FSTL5: variants seen among roughly 807,000 people sequenced by gnomAD.
FSTL5 encodes the protein follistatin-related protein 5.
FSTL5 carries 62 observed loss-of-function variants against 89.1 expected under a neutral mutation model. The observed-to-expected ratio is 0.70, with a 90% CI of 0.57 to 0.86. The LOEUF (loss-of-function observed/expected upper bound fraction) is 0.86, where lower values mean the gene tolerates loss of function less well. FSTL5 is among the 40% of genes least tolerant of loss of function. The pLI, the probability that FSTL5 is intolerant of heterozygous loss-of-function variation, is 0.00. For synonymous variants in FSTL5, 383 were observed against 346.2 expected, an observed-to-expected ratio of 1.11 and a Z score of -1.18; for missense variants, 1,057 against 1,001.6, an observed-to-expected ratio of 1.06 and a Z score of -0.75.
chr4:161,627,545 T>A (rs1286349003), intron 7 of FSTL5, among the ~76,000 whole-genome samples: 4 of 152,154 alleles, frequency 2.6e-5, no homozygotes, highest in Non-Finnish European at 5.9e-5. Context: ...CTTCAAGATC[T>A]CCGAGGCATG....
intron 13 of FSTL5, among the ~76,000 whole-genome samples, chr4:161,464,053 A>C (rs2126419942): frequency 6.6e-6 from 1 of 152,198 alleles, no homozygotes; most frequent in African/African-American, 2.4e-5. Context: ...CCAAACTGTC[A>C]GTTTTTGGAA....
chr4:161,428,260 G>A (rs1318251956), intron 15 of FSTL5, among the ~76,000 whole-genome samples: 1 of 152,140 alleles, frequency 6.6e-6, no homozygotes, highest in East Asian at 1.9e-4. Flanking sequence ...AAAGGGCTCC[G>A]GGGTCCTAAA....
At chr4:161,505,508 C>A (rs1265610967) in intron 11 of FSTL5, among the ~76,000 whole-genome samples, 1 of 152,100 alleles carries the variant, frequency 6.6e-6, no homozygotes, top group Non-Finnish European at 1.5e-5. Context: ...TAAAACCAGT[C>A]ATTTTGAGTA....
chr4:161,991,259 T>G (rs1401047702), intron 3 of FSTL5, among the ~76,000 whole-genome samples: 1 of 152,208 alleles, frequency 6.6e-6, no homozygotes, highest in Non-Finnish European at 1.5e-5. Flanking sequence ...ACGATGCACA[T>G]AATTTTATAT....
intron 15 of FSTL5, among the ~76,000 whole-genome samples, chr4:161,412,904 T>A (rs900152209): frequency 6.6e-6 from 1 of 152,172 alleles, no homozygotes; most frequent in Admixed American, 6.5e-5. Context: ...TTTCACTGTA[T>A]GCAAAAATTA....
chr4:161,787,019 G>T (rs1198165279), intron 4 of FSTL5, among the ~76,000 whole-genome samples: 1 of 152,022 alleles, frequency 6.6e-6, no homozygotes, highest in African/African-American at 2.4e-5. Flanking sequence ...TTATGACCTT[G>T]ACCAAAGATA....
At chr4:161,894,815 A>G (rs1398925858) in intron 4 of FSTL5, among the ~76,000 whole-genome samples, 1 of 152,174 alleles carries the variant, frequency 6.6e-6, no homozygotes, top group Non-Finnish European at 1.5e-5. Context: ...TTTGATGCAT[A>G]TTTATACCAG....
At chr4:161,857,511 T>A (rs1222216268) in intron 4 of FSTL5, among the ~76,000 whole-genome samples, 2 of 152,190 alleles carry the variant, frequency 1.3e-5, no homozygotes, top group South Asian at 4.1e-4. Flanking sequence ...CATCACTCAG[T>A]CTTTTCATGG....
At chr4:161,705,952 GTATATATATATATATA>G (rs1206067350) in intron 6 of FSTL5, among the ~76,000 whole-genome samples, 9 of 30,672 alleles carry the variant, frequency 2.9e-4, no homozygotes, top group African/African-American at 1.3e-3. Flanking sequence ...GTAGATGTGT[GTATATATATATATATA>G]TATATATATA....
chr4:161,752,270 T>C (rs892566991), intron 6 of FSTL5, among the ~76,000 whole-genome samples: 3 of 151,502 alleles, frequency 2.0e-5, no homozygotes, highest in African/African-American at 7.3e-5. Context: ...GATAGATAGA[T>C]AGATGGAATG....
chr4:161,397,990 T>C (rs1194282428), intron 15 of FSTL5, among the ~76,000 whole-genome samples: 1 of 151,970 alleles, frequency 6.6e-6, no homozygotes, highest in African/African-American at 2.4e-5. Context: ...GCAACAACAA[T>C]AAAGTGTGTT....
rs1447550092 is a variant in FSTL5, at chr4:161,613,456, A to T, written c.895-25881T>A. 1.3e-5 allele frequency among the ~76,000 whole-genome samples: 2 copies of T among 152,166 alleles called. 1 individual carries two copies. Among genetic ancestry groups the T allele is most frequent in the East Asian group, 3.9e-4 (2 of 5,160 alleles). On this transcript the variant is annotated intron_variant, in intron 7 of 15. Coordinates refer to ENST00000306100, the MANE Select transcript of FSTL5 (RefSeq NM_020116.5). ...AGAGTGAGTCTCCGTTTCAAAAAAA[A>T]AAAAAAATGATAATTGTCTAATCAT...
intron 6 of FSTL5, among the ~76,000 whole-genome samples, chr4:161,665,152 C>G (rs1297094907): frequency 6.6e-6 from 1 of 152,178 alleles, no homozygotes; most frequent in Non-Finnish European, 1.5e-5. Context: ...TGTAACAAAC[C>G]TGCACATATA....
At chr4:161,516,904 T>G (rs1004002728) in intron 10 of FSTL5, among the ~76,000 whole-genome samples, 1 of 151,932 alleles carries the variant, frequency 6.6e-6, no homozygotes, top group Non-Finnish European at 1.5e-5. Flanking sequence ...TCCACCTAGT[T>G]TTCTCTCCAG....
intron 6 of FSTL5, among the ~76,000 whole-genome samples, chr4:161,663,812 GC>G (rs1736795469): frequency 6.6e-6 from 1 of 152,212 alleles, no homozygotes; most frequent in Admixed American, 6.5e-5. Flanking sequence ...TGAGGGCCCT[GC>G]CCCTGCAGCA....
intron 4 of FSTL5, among the ~76,000 whole-genome samples, chr4:161,832,766 T>G (rs1435620465): frequency 6.6e-6 from 1 of 151,816 alleles, no homozygotes; most frequent in Non-Finnish European, 1.5e-5. Context: ...TTGATTCTTC[T>G]CTCTTTTCTT....
Position 161,705,271 on chromosome 4 carries a change from A to C in FSTL5, c.728-48777T>G, listed in dbSNP as rs575371586. On this transcript the variant is annotated intron_variant, in intron 6 of 15. Transcript: ENST00000306100. ...GTCTATTTTAAGTAGACATTAAATAAACGTTAAAATGGACTAAACCTGTTA... is the reference window on the plus strand; with the variant it reads ...GTCTATTTTAAGTAGACATTAAATACACGTTAAAATGGACTAAACCTGTTA... 1.2e-3 allele frequency among the ~76,000 whole-genome samples: 188 copies of C among 152,222 alleles called. 1 individual carries two copies. The highest frequency in any genetic ancestry group is 2.3e-3 in the Non-Finnish European group (157 of 68,004).
chr4:161,875,958 A>T (rs1232592058), intron 4 of FSTL5, among the ~76,000 whole-genome samples: 3 of 152,222 alleles, frequency 2.0e-5, no homozygotes, highest in African/African-American at 7.2e-5. Flanking sequence ...CAACCACAGC[A>T]TACAACCACA....
chr4:161,876,196 C>T (rs1470312951), intron 4 of FSTL5, among the ~76,000 whole-genome samples: 1 of 152,140 alleles, frequency 6.6e-6, no homozygotes, highest in Non-Finnish European at 1.5e-5. Context: ...TTACAATTTA[C>T]TAAATAAATT....
Sources: gnomAD v4.1 joint callset for allele counts (sites outside exome capture counted in the v4.1 genomes callset) on GRCh38, gnomAD v4.1.1 for gene constraint, MANE v1.5 for transcripts, NCBI Gene and HGNC (gene_info 2026-07-23, HGNC 2026-07-21) for gene names.